The following NEXMIF variants were observed in gnomAD, a reference collection of about 807,000 sequenced individuals.
NEXMIF encodes neurite extension and migration factor, also known as XLMR protein related to neurite extension.
A neutral mutation model predicts 62.1 loss-of-function variants in NEXMIF; 8 were observed. The ratio of observed to expected loss-of-function variants is 0.13; its 90% CI spans 0.08 to 0.23. The LOEUF (loss-of-function observed/expected upper bound fraction) is 0.23, where lower values mean the gene tolerates loss of function less well. Among genes scored for constraint, NEXMIF ranks in the 10% least tolerant of loss-of-function variants. NEXMIF has a pLI of 1.00. For missense variants in NEXMIF, 976 were observed against 1,113.3 expected (o/e 0.88, Z 1.75); for synonymous variants, 404 against 416.6 (o/e 0.97, Z 0.37).
At chrX:74,854,546 C>T (rs887983890) in intron 1 of NEXMIF, among the ~76,000 whole-genome samples, 1 of 111,732 alleles carries the variant, frequency 8.9e-6, no homozygotes, top group Non-Finnish European at 1.9e-5. Flanking sequence ...CACCACTCAC[C>T]ACTTGGCTAG....
chrX:74,872,914 C>A (rs2080608678), intron 1 of NEXMIF, among the ~76,000 whole-genome samples: 1 of 109,312 alleles, frequency 9.1e-6, no homozygotes, highest in Non-Finnish European at 1.9e-5. Context: ...TGCTGTAGTG[C>A]AATGCCTTAT....
intron 1 of NEXMIF, among the ~76,000 whole-genome samples, chrX:74,914,021 T>C (rs1023888559): frequency 8.9e-6 from 1 of 111,943 alleles, no homozygotes; most frequent in Admixed American, 9.5e-5. Flanking sequence ...CTTCTCCCAT[T>C]GGGTTTCTCA....
At chrX:74,821,735 G>T (rs904741757) in intron 1 of NEXMIF, among the ~76,000 whole-genome samples, 1 of 111,568 alleles carries the variant, frequency 9.0e-6, no homozygotes, top group African/African-American at 3.3e-5. Context: ...AATTGTGTGT[G>T]TGTGTGTGTG....
Position 74,800,278 on chromosome X carries a change from A to G in NEXMIF, c.-47-54581T>C, listed in dbSNP as rs967315418. Among the ~76,000 whole-genome samples, 4 of 111,496 alleles carry G rather than the reference A, an allele frequency of 3.6e-5. No homozygotes were observed. The Admixed American group carries it at 3.8e-4, about 11-fold the overall frequency. On this transcript the variant is annotated intron_variant, in intron 1 of 3. Coordinates refer to ENST00000055682, the MANE Select transcript of NEXMIF (RefSeq NM_001008537.3). ...TTTAGTGATCTTGAAGGACCCTTCTATCCTGAGTAATCTGAGTCTAAGTGA... is the reference window on the plus strand; with the variant it reads ...TTTAGTGATCTTGAAGGACCCTTCTGTCCTGAGTAATCTGAGTCTAAGTGA...
intron 1 of NEXMIF, among the ~76,000 whole-genome samples, chrX:74,788,055 G>A (rs185869510): frequency 8.9e-6 from 1 of 111,973 alleles, no homozygotes; most frequent in East Asian, 2.8e-4. Flanking sequence ...TCTACTGAAT[G>A]TGCCAGTATT....
chrX:74,827,936 C>A (rs189010636), intron 1 of NEXMIF, among the ~76,000 whole-genome samples: 67 of 111,851 alleles, frequency 6.0e-4, no homozygotes, highest in African/African-American at 2.0e-3. Flanking sequence ...AGCACAGGAG[C>A]CAGATGAAAA....
At chrX:74,854,423 A>G (rs760885844) in intron 1 of NEXMIF, among the ~76,000 whole-genome samples, 1 of 111,733 alleles carries the variant, frequency 8.9e-6, no homozygotes, top group Non-Finnish European at 1.9e-5. Context: ...AAGGAACATA[A>G]CTCAACATAC....
In NEXMIF at chrX:74,737,641, A is replaced by G. The variant is rs2080088979; in HGVS notation, c.*1764T>C. 1 of 111,541 alleles carries G rather than the reference A, an allele frequency of 9.0e-6. No homozygotes were observed. Among genetic ancestry groups the G allele is most frequent in the Non-Finnish European group, 1.9e-5 (1 of 53,019 alleles). The allele number at this position is 111,541 out of a possible 1,213,427, so 9.2% of individuals were successfully genotyped here. On this transcript the variant is annotated 3_prime_UTR_variant, in exon 4 of 4. Transcript: ENST00000055682. ...AGGAATCATGGACCGGGAAGTGTATATACTTATATACATGACAGGCTTCCT... is the reference window on the plus strand; with the variant it reads ...AGGAATCATGGACCGGGAAGTGTATGTACTTATATACATGACAGGCTTCCT...
chrX:74,783,920 G>A (rs745995194), intron 1 of NEXMIF, among the ~76,000 whole-genome samples: 4 of 110,703 alleles, frequency 3.6e-5, no homozygotes, highest in Non-Finnish European at 7.6e-5. Context: ...GTAGTTTTAG[G>A]TATGAGTATG....
intron 1 of NEXMIF, among the ~76,000 whole-genome samples, chrX:74,914,530 A>G (rs758005622): frequency 2.7e-5 from 3 of 111,022 alleles, no homozygotes; most frequent in African/African-American, 9.8e-5. Context: ...AAATTAGAAA[A>G]ATTGACCAGG....
chrX:74,878,581 C>T (rs2080648739), intron 1 of NEXMIF, among the ~76,000 whole-genome samples: 2 of 112,796 alleles, frequency 1.8e-5, no homozygotes, highest in South Asian at 7.3e-4. Context: ...GGCGCCCCTC[C>T]CCCAGCCTCG....
chrX:74,903,005 G>T (rs1417180914), intron 1 of NEXMIF, among the ~76,000 whole-genome samples: 1 of 111,195 alleles, frequency 9.0e-6, no homozygotes, highest in African/African-American at 3.3e-5. Flanking sequence ...CTTTAGCTCA[G>T]CTGCCTTTGC....
At chrX:74,856,395 TGAA>T (rs1466097089) in intron 1 of NEXMIF, among the ~76,000 whole-genome samples, 1 of 111,150 alleles carries the variant, frequency 9.0e-6, no homozygotes, top group Non-Finnish European at 1.9e-5. Flanking sequence ...ACACAGACAA[TGAA>T]GAAAAACAAA....
intron 1 of NEXMIF, among the ~76,000 whole-genome samples, chrX:74,885,694 T>C (rs1417922686): frequency 2.7e-5 from 3 of 111,816 alleles, no homozygotes; most frequent in Non-Finnish European, 5.6e-5. Context: ...ACCAGACGGA[T>C]TCACAGCTGA....
rs769822490 is a variant in NEXMIF at position 74,743,537 on chromosome X, G to A, written c.1020C>T (p.Ser340=). Residue 340 remains serine, a synonymous_variant, in exon 3 of 4, where the codon AGC becomes AGT. Transcript: ENST00000055682. ...QEDAQFNFFP[S]VFTTCPKRES... ...CTCGCTTGGGGCAGGTAGTAAAGAC[G>A]CTGGGAAAAAAGTTGAATTGGGCAT... 1.7e-6 allele frequency: 2 copies of A among 1,209,189 alleles called. No homozygotes were observed. The highest frequency in any genetic ancestry group is 1.8e-5 in the African/African-American group (1 of 56,963).
intron 1 of NEXMIF, among the ~76,000 whole-genome samples, chrX:74,873,252 G>C (rs891754885): frequency 1.8e-5 from 2 of 110,461 alleles, no homozygotes; most frequent in African/African-American, 6.6e-5. Context: ...TTGGTTTTTT[G>C]TTCTTGTGAT....
At chrX:74,856,495 C>T (rs904303996) in intron 1 of NEXMIF, among the ~76,000 whole-genome samples, 3 of 110,913 alleles carry the variant, frequency 2.7e-5, no homozygotes, top group Non-Finnish European at 5.7e-5. Flanking sequence ...AGAAAAAGGA[C>T]GAAAAGAATA....
In NEXMIF at chrX:74,925,419, GGCTGCT is replaced by G; in HGVS notation, c.-590_-585del. ...CTGTGGCGGCGGTGGTGGCGGCGGC[GGCTGCT>G]GCTGCTGCTGCTGATGCTACTGGTT... On this transcript the variant is annotated 5_prime_UTR_variant, in exon 1 of 4. Transcript: ENST00000055682. 2.1e-5 allele frequency: 4 copies of G among 192,297 alleles called. No individual in the cohort carries two copies. Among genetic ancestry groups the G allele is most frequent in the Admixed American group, 5.2e-5 (1 of 19,197 alleles). 15.8% of individuals were successfully genotyped at this position (192,297 alleles called of 1,213,427 possible). A position where few individuals can be genotyped will look rare whatever the true frequency, so the allele number is the denominator to read the frequency against.
intron 1 of NEXMIF, among the ~76,000 whole-genome samples, chrX:74,775,686 A>T: frequency 9.0e-6 from 1 of 111,453 alleles, no homozygotes; most frequent in Middle Eastern, 4.7e-3. Flanking sequence ...CTTACCCCTA[A>T]TCTCACCCAA....
Sources: gnomAD v4.1 joint callset for allele counts (sites outside exome capture counted in the v4.1 genomes callset) on GRCh38, gnomAD v4.1.1 for gene constraint, MANE v1.5 for transcripts, NCBI Gene and HGNC (gene_info 2026-07-23, HGNC 2026-07-21) for gene names.